Variants in PALLD observed in about 807,000 individuals in gnomAD.
The protein encoded by PALLD is palladin, cytoskeletal associated protein.
PALLD carries 61 observed loss-of-function variants against 123.5 expected under a neutral mutation model. The ratio of observed to expected loss-of-function variants is 0.49; its 90% CI spans 0.40 to 0.61. The LOEUF (loss-of-function observed/expected upper bound fraction) is 0.61, where lower values mean the gene tolerates loss of function less well. PALLD is among the 20% of genes least tolerant of loss of function. The pLI is 0.00. For missense variants in PALLD, 1,273 were observed against 1,377.0 expected (o/e 0.92, Z 1.20); for synonymous variants, 465 against 496.4 (o/e 0.94, Z 0.84).
intron 10 of PALLD, among the ~76,000 whole-genome samples, chr4:168,731,172 A>G (rs548749285): frequency 1.3e-5 from 2 of 152,294 alleles, no homozygotes; most frequent in East Asian, 3.9e-4. Context: ...CTGATAAGTC[A>G]GTGACAACTC....
intron 10 of PALLD, among the ~76,000 whole-genome samples, chr4:168,874,280 G>T (rs1001490307): frequency 2.6e-5 from 4 of 152,120 alleles, no homozygotes; most frequent in Non-Finnish European, 4.4e-5. Flanking sequence ...TTTTAGTGTG[G>T]TTAACTTTTT....
intron 15 of PALLD, among the ~76,000 whole-genome samples, chr4:168,905,802 T>C (rs951700630): frequency 1.7e-4 from 25 of 145,406 alleles, no homozygotes; most frequent in Middle Eastern, 3.5e-3. Flanking sequence ...TTTTTTTTTT[T>C]TTTTTTTTCT....
intron 2 of PALLD, among the ~76,000 whole-genome samples, chr4:168,582,299 A>G (rs1770367056): frequency 1.3e-5 from 2 of 152,120 alleles, no homozygotes; most frequent in Admixed American, 6.6e-5. Context: ...ACAGAAACAC[A>G]ACTGACTTTT....
intron 10 of PALLD, among the ~76,000 whole-genome samples, chr4:168,790,874 T>C (rs928347998): frequency 6.6e-5 from 10 of 152,206 alleles, no homozygotes; most frequent in Non-Finnish European, 1.5e-4. Flanking sequence ...AAATTAAAAT[T>C]TGATTTTGTG....
At chr4:168,860,287 A>G (rs1194370138) in intron 10 of PALLD, among the ~76,000 whole-genome samples, 1 of 152,160 alleles carries the variant, frequency 6.6e-6, no homozygotes, top group Admixed American at 6.5e-5. Flanking sequence ...TTGACACCAG[A>G]CCCTCAACCA....
At chr4:168,709,558 GGAAGGAAGGAAGGAAGGA>G (rs1784563647) in intron 9 of PALLD, among the ~76,000 whole-genome samples, 30 of 716 alleles carry the variant, frequency 0.042, 2 homozygotes, top group Non-Finnish European at 0.068. Flanking sequence ...AAGGAAGGAA[GGAAGGAAGGAAGGAAGGA>G]AGGAAGGAAG....
chr4:168,900,184 T>A (rs1756190420), intron 14 of PALLD, among the ~76,000 whole-genome samples: 1 of 152,116 alleles, frequency 6.6e-6, no homozygotes, highest in South Asian at 2.1e-4. Flanking sequence ...GCTAAACCAT[T>A]CATGAGGGAT....
chr4:168,539,184 G>T (rs1248296870), intron 2 of PALLD, among the ~76,000 whole-genome samples: 1 of 152,184 alleles, frequency 6.6e-6, no homozygotes, highest in East Asian at 1.9e-4. Flanking sequence ...AAGGAAAACT[G>T]AGGCTTAGAG....
intron 10 of PALLD, among the ~76,000 whole-genome samples, chr4:168,835,276 G>A (rs150072360): frequency 6.6e-6 from 1 of 152,254 alleles, no homozygotes; most frequent in Non-Finnish European, 1.5e-5. Flanking sequence ...CTCCCATTCA[G>A]TATTTTACAA....
chr4:168,849,235 ATGCGTTCCAGACGT>A (rs1427624781), intron 10 of PALLD, among the ~76,000 whole-genome samples: 1 of 152,248 alleles, frequency 6.6e-6, no homozygotes, highest in Non-Finnish European at 1.5e-5. Flanking sequence ...GCTGATTGTA[ATGCGTTCCAGACGT>A]CTGCACGCCC....
Position 168,928,326 on chromosome 4 carries a change from TA to T in PALLD, c.*2156del, listed in dbSNP as rs398064261. ...TTTTGCCACCTTTATATTGTATTTA[TA>T]AAAAAAAAAGTACTATCAATCAATC... On this transcript the variant is annotated 3_prime_UTR_variant, in exon 22 of 22. Transcript: ENST00000505667. 122,606 of 179,392 alleles carry T rather than the reference TA, an allele frequency of 0.68. 43,726 individuals are homozygous for T. Among genetic ancestry groups the T allele is most frequent in the East Asian group, 0.95 (10,109 of 10,664 alleles). The allele number at this position is 179,392 out of a possible 1,614,324, so 11.1% of individuals were successfully genotyped here. A position where few individuals can be genotyped will look rare whatever the true frequency, so the allele number is the denominator to read the frequency against.
intron 5 of PALLD, among the ~76,000 whole-genome samples, chr4:168,683,699 T>G (rs893230833): frequency 2.0e-5 from 3 of 152,196 alleles, no homozygotes; most frequent in Non-Finnish European, 4.4e-5. Context: ...AGAAAACCAT[T>G]ACATCTGGAT....
chr4:168,855,089 CTTTTTTTTTTT>C (rs11338063), intron 10 of PALLD, among the ~76,000 whole-genome samples: 1 of 103,992 alleles, frequency 9.6e-6, no homozygotes, highest in East Asian at 3.2e-4. Flanking sequence ...AAGGAATGTT[CTTTTTTTTTTT>C]TTTTTTTTTG....
intron 2 of PALLD, among the ~76,000 whole-genome samples, chr4:168,551,689 TAA>T (rs750115802): frequency 6.8e-6 from 1 of 147,004 alleles, no homozygotes; most frequent in African/African-American, 2.5e-5. Flanking sequence ...TTTTTTAAAT[TAA>T]AAAAAAAACA....
chr4:168,593,440 A>AAAAAAAAAAAG (rs1554047277), intron 2 of PALLD, among the ~76,000 whole-genome samples: 3 of 140,894 alleles, frequency 2.1e-5, no homozygotes, highest in Admixed American at 7.0e-5. Context: ...ACCAGGCAAA[A>AAAAAAAAAAAG]AAAAAAGAAA....
chr4:168,683,652 AAC>A (rs1781761676), intron 5 of PALLD, among the ~76,000 whole-genome samples: 1 of 152,152 alleles, frequency 6.6e-6, no homozygotes, highest in Non-Finnish European at 1.5e-5. Flanking sequence ...TTACTTTGCA[AAC>A]ACAAACAATA....
chr4:168,672,584 G>T (rs550903456), intron 3 of PALLD, among the ~76,000 whole-genome samples: 1 of 151,628 alleles, frequency 6.6e-6, no homozygotes, highest in Non-Finnish European at 1.5e-5. Context: ...TCAGCCTCCC[G>T]AGTAGCTGGG....
At chr4:168,719,038 G>C (rs921922049) in intron 10 of PALLD, among the ~76,000 whole-genome samples, 3 of 150,996 alleles carry the variant, frequency 2.0e-5, no homozygotes, top group African/African-American at 7.3e-5. Context: ...CTCCTGAGTA[G>C]CTGGAATTAT....
intron 2 of PALLD, among the ~76,000 whole-genome samples, chr4:168,608,079 A>C (rs971273237): frequency 2.6e-5 from 4 of 152,208 alleles, no homozygotes; most frequent in Admixed American, 6.5e-5. Context: ...TTACAATTCC[A>C]AAGAAGAGAC....
Sources: gnomAD v4.1 joint callset for allele counts (sites outside exome capture counted in the v4.1 genomes callset) on GRCh38, gnomAD v4.1.1 for gene constraint, MANE v1.5 for transcripts, NCBI Gene and HGNC (gene_info 2026-07-23, HGNC 2026-07-21) for gene names.